The following MGAT4C variants were observed in gnomAD, a reference collection of about 807,000 sequenced individuals.
MGAT4C encodes the protein alpha-1,3-mannosyl-glycoprotein 4-beta-N-acetylglucosaminyltransferase C.
In MGAT4C, 19 loss-of-function variants were observed where a neutral mutation model predicts 40.1. The observed-to-expected ratio is 0.47, with a 90% CI of 0.33 to 0.70. The LOEUF (loss-of-function observed/expected upper bound fraction) is 0.70. MGAT4C is among the 30% of genes least tolerant of loss of function. The pLI is 0.02. For synonymous variants in MGAT4C, 181 were observed against 187.1 expected (o/e 0.97, Z 0.27); for missense variants, 491 against 563.2 (o/e 0.87, Z 1.30).
intron 1 of MGAT4C, among the ~76,000 whole-genome samples, chr12:86,764,160 G>A (rs572202668): frequency 2.2e-4 from 33 of 152,242 alleles, no homozygotes; most frequent in Non-Finnish European, 2.9e-4. Flanking sequence ...ATTCCCACCC[G>A]AATACTGTGC....
intron 2 of MGAT4C, among the ~76,000 whole-genome samples, chr12:86,006,920 G>GC (rs1302435219): frequency 6.6e-6 from 1 of 152,016 alleles, no homozygotes; most frequent in Non-Finnish European, 1.5e-5. Flanking sequence ...AAAACCCATT[G>GC]CATTAGCCTC....
intron 3 of MGAT4C, among the ~76,000 whole-genome samples, chr12:86,405,493 A>C (rs2136239851): frequency 6.6e-6 from 1 of 152,172 alleles, no homozygotes; most frequent in South Asian, 2.1e-4. Flanking sequence ...AGATCTAAAA[A>C]ATGAAGGAGC....
intron 2 of MGAT4C, among the ~76,000 whole-genome samples, chr12:86,700,068 G>GATAGATAGATAGATAAA: frequency 6.7e-6 from 1 of 148,450 alleles, no homozygotes; most frequent in South Asian, 2.2e-4. Context: ...AGATAGATAA[G>GATAGATAGATAGATAAA]ATAGATAGAT....
chr12:86,425,323 T>C (rs1048935484), intron 3 of MGAT4C, among the ~76,000 whole-genome samples: 7 of 152,188 alleles, frequency 4.6e-5, no homozygotes, highest in Non-Finnish European at 1.0e-4. Flanking sequence ...GGGGGGTGTT[T>C]ACCTCATGAT....
chr12:86,561,284 T>C (rs1959851630), intron 2 of MGAT4C, among the ~76,000 whole-genome samples: 1 of 152,198 alleles, frequency 6.6e-6, no homozygotes, highest in African/African-American at 2.4e-5. Flanking sequence ...ATACTGAGTG[T>C]CAACTTGACT....
chr12:86,421,605 G>A (rs188336702), intron 3 of MGAT4C, among the ~76,000 whole-genome samples: 18 of 152,080 alleles, frequency 1.2e-4, no homozygotes, highest in South Asian at 4.1e-4. Context: ...GAGAAACCCC[G>A]TCTCTACTAA....
intron 1 of MGAT4C, among the ~76,000 whole-genome samples, chr12:86,820,636 A>T (rs1299592966): frequency 6.6e-6 from 1 of 150,788 alleles, no homozygotes; most frequent in Non-Finnish European, 1.5e-5. Flanking sequence ...TTTCAATTTT[A>T]ACTTTTTAAA....
At chr12:86,489,378 A>G (rs1025417325) in intron 2 of MGAT4C, among the ~76,000 whole-genome samples, 1 of 152,110 alleles carries the variant, frequency 6.6e-6, no homozygotes, top group African/African-American at 2.4e-5. Flanking sequence ...GCGACCTCTG[A>G]GAGACCTCTG....
At chr12:85,991,069 A>G (rs1885864485) in intron 2 of MGAT4C, among the ~76,000 whole-genome samples, 1 of 152,158 alleles carries the variant, frequency 6.6e-6, no homozygotes, top group African/African-American at 2.4e-5. Context: ...AGCAAGATGA[A>G]GAGGAGCTTT....
In MGAT4C at chr12:85,960,603, A is replaced by G. The variant is rs549077667; in HGVS notation, c.*18686T>C. On this transcript the variant is annotated 3_prime_UTR_variant, in exon 5 of 5. Coordinates refer to ENST00000611864, the MANE Select transcript of MGAT4C (RefSeq NM_001351288.2). ...ATGATTATTGGCCTGTGTCCCACCC[A>G]TTATTCACATATAGAATGGGTTGCA... is the stretch of plus-strand genomic sequence containing the variant. 6.6e-6 allele frequency: 1 copy of G among 152,090 alleles called. No individual in the cohort carries two copies. The highest frequency in any genetic ancestry group is 2.1e-4 in the South Asian group (1 of 4,826). The allele number at this position is 152,090 out of a possible 1,614,324, so 9.4% of individuals were successfully genotyped here. A position where few individuals can be genotyped will look rare whatever the true frequency, so the allele number is the denominator to read the frequency against.
At chr12:86,021,051 C>T (rs952920607) in intron 2 of MGAT4C, among the ~76,000 whole-genome samples, 7 of 152,026 alleles carry the variant, frequency 4.6e-5, no homozygotes, top group Non-Finnish European at 1.0e-4. Context: ...CCATCTCACA[C>T]CAGTTAGAAT....
At chr12:86,516,369 T>C (rs143783413) in intron 2 of MGAT4C, among the ~76,000 whole-genome samples, 3 of 152,252 alleles carry the variant, frequency 2.0e-5, no homozygotes, top group East Asian at 1.9e-4. Context: ...TTTCAACAAA[T>C]AGTACTGGAA....
In MGAT4C at chr12:86,296,594, T is replaced by C. The variant is rs559807026; in HGVS notation, c.-57+37471A>G. Among the ~76,000 whole-genome samples, 182 of 152,220 alleles carry C rather than the reference T, an allele frequency of 1.2e-3. 2 individuals are homozygous for C. The highest frequency in any genetic ancestry group is 0.01 in the Middle Eastern group (3 of 294). Reference sequence around the variant, plus strand: ...AGCGAGAAATCGAGCGCAGCGCCGGTGGGCTGGCACTGCTGGGGGTCCCAG... The same window carrying C: ...AGCGAGAAATCGAGCGCAGCGCCGGCGGGCTGGCACTGCTGGGGGTCCCAG... On this transcript the variant is annotated intron_variant, in intron 4 of 7. Coordinates refer to the MGAT4C transcript ENST00000548651.
intron 2 of MGAT4C, among the ~76,000 whole-genome samples, chr12:86,506,138 T>G (rs1958469386): frequency 6.6e-6 from 1 of 152,168 alleles, no homozygotes; most frequent in Non-Finnish European, 1.5e-5. Context: ...GAAAACTGTT[T>G]CTGTGGGAAA....
intron 3 of MGAT4C, among the ~76,000 whole-genome samples, chr12:86,342,961 T>C (rs904778346): frequency 6.6e-6 from 1 of 151,978 alleles, no homozygotes; most frequent in African/African-American, 2.4e-5. Context: ...CTTTACTAGA[T>C]AGGGTAGAAA....
chr12:86,406,077 A>G (rs922143333), intron 3 of MGAT4C, among the ~76,000 whole-genome samples: 5 of 146,488 alleles, frequency 3.4e-5, no homozygotes, highest in Non-Finnish European at 6.0e-5. Context: ...TTTTATATAT[A>G]TATAAAACTT....
chr12:86,093,449 C>T (rs528336493), intron 1 of MGAT4C, among the ~76,000 whole-genome samples: 9 of 152,198 alleles, frequency 5.9e-5, no homozygotes, highest in Non-Finnish European at 8.8e-5. Flanking sequence ...CCTTTTAAAG[C>T]CAGGTGCAGT....
intron 2 of MGAT4C, among the ~76,000 whole-genome samples, chr12:86,632,906 T>TA (rs974076186): frequency 2.6e-5 from 4 of 152,002 alleles, no homozygotes; most frequent in African/African-American, 9.7e-5. Context: ...TAAAGTATAA[T>TA]AAAAAAATTG....
At chr12:86,449,753 G>A (rs1276202619) in intron 2 of MGAT4C, among the ~76,000 whole-genome samples, 2 of 152,122 alleles carry the variant, frequency 1.3e-5, no homozygotes, top group African/African-American at 2.4e-5. Flanking sequence ...GTAGCCATTT[G>A]AGCATTTTCA....
Sources: allele counts gnomAD v4.1 joint callset (sites outside exome capture counted in the v4.1 genomes callset), GRCh38; gene constraint gnomAD v4.1.1; transcripts MANE v1.5; gene names NCBI Gene and HGNC (gene_info 2026-07-23, HGNC 2026-07-21).